EYA4: variants seen among roughly 807,000 people sequenced by gnomAD.
EYA4 encodes protein phosphatase EYA4.
Under a neutral mutation model 87.9 loss-of-function variants are expected in EYA4, and 31 were observed. The observed-to-expected ratio is 0.35, with a 90% CI of 0.27 to 0.48. The LOEUF is 0.48. Among genes scored for constraint, EYA4 ranks in the 20% least tolerant of loss-of-function variants. The probability of loss-of-function intolerance (pLI) is 0.99; values close to 1 mark genes in which losing one functional copy is unlikely to be tolerated. For missense variants in EYA4, 678 were observed against 761.4 expected, an observed-to-expected ratio of 0.89 and a Z score of 1.29; for synonymous variants, 263 against 270.6, an observed-to-expected ratio of 0.97 and a Z score of 0.28.
chr6:133,247,573 T>C (rs1251282746), intron 1 of EYA4: 1 of 152,244 alleles, frequency 6.6e-6, no homozygotes, highest in East Asian at 1.9e-4. Context: ...TTATCGCATG[T>C]GTAAGGTTTT....
At chr6:133,385,617 T>C (rs1167182312) in intron 3 of EYA4, among the ~76,000 whole-genome samples, 2 of 152,124 alleles carry the variant, frequency 1.3e-5, no homozygotes, top group African/African-American at 4.8e-5. Flanking sequence ...AAAGCTAATA[T>C]CATTCATTTA....
Position 133,530,285 on chromosome 6 carries a change from G to A in EYA4, c.*1480G>A, listed in dbSNP as rs532278099. ...TAGTTTCTGCCTGTATTGTCACTGCGCAACGGATGGCATTCATTACAAGAA... is the reference window on the plus strand; with the variant it reads ...TAGTTTCTGCCTGTATTGTCACTGCACAACGGATGGCATTCATTACAAGAA... On this transcript the variant is annotated 3_prime_UTR_variant, in exon 20 of 20. Coordinates refer to ENST00000355286, the MANE Select transcript of EYA4 (RefSeq NM_004100.5). The A allele has an allele frequency of 8.6e-5, 85 of 985,380 alleles. No individual in the cohort carries two copies. Among genetic ancestry groups the A allele is most frequent in the South Asian group, 3.8e-4 (8 of 21,282 alleles). 61.0% of individuals were successfully genotyped at this position (985,380 alleles called of 1,614,324 possible).
intron 1 of EYA4, among the ~76,000 whole-genome samples, chr6:133,255,010 T>C (rs569293959): frequency 6.6e-6 from 1 of 152,336 alleles, no homozygotes; most frequent in Non-Finnish European, 1.5e-5. Context: ...ACTTTGGTCA[T>C]GTAATTTTCT....
At chr6:133,520,446 T>G (rs1415204378) in intron 17 of EYA4, among the ~76,000 whole-genome samples, 43 of 111,580 alleles carry the variant, frequency 3.9e-4, no homozygotes, top group African/African-American at 1.0e-3. Flanking sequence ...AAGGACCTCT[T>G]CAAGGAGAAC....
intron 11 of EYA4, among the ~76,000 whole-genome samples, chr6:133,475,018 C>A (rs958746113): frequency 6.6e-6 from 1 of 152,178 alleles, no homozygotes; most frequent in Non-Finnish European, 1.5e-5. Context: ...TGCAGTTATT[C>A]ATTACTGTAC....
intron 3 of EYA4, among the ~76,000 whole-genome samples, chr6:133,412,699 A>C (rs1365280151): frequency 6.6e-6 from 1 of 152,120 alleles, no homozygotes; most frequent in Non-Finnish European, 1.5e-5. Context: ...TCTCTGAATG[A>C]TCTTTGCTTG....
intron 6 of EYA4, among the ~76,000 whole-genome samples, chr6:133,458,224 T>C (rs867058724): frequency 3.9e-4 from 60 of 152,318 alleles, no homozygotes; most frequent in Middle Eastern, 6.8e-3. Context: ...TCATATGTGG[T>C]TATTAAAATT....
chr6:133,424,956 C>G (rs1790538795), intron 3 of EYA4, among the ~76,000 whole-genome samples: 1 of 150,784 alleles, frequency 6.6e-6, no homozygotes, highest in South Asian at 2.1e-4. Flanking sequence ...CTACCACCTT[C>G]CTCCCTCCAA....
At chr6:133,371,297 C>T (rs1029049447) in intron 2 of EYA4, among the ~76,000 whole-genome samples, 2 of 152,012 alleles carry the variant, frequency 1.3e-5, no homozygotes, top group Admixed American at 1.3e-4. Flanking sequence ...ATAGATTATC[C>T]CAGCCAATAA....
intron 6 of EYA4, among the ~76,000 whole-genome samples, chr6:133,458,212 A>C (rs924904925): frequency 9.9e-5 from 15 of 152,206 alleles, no homozygotes; most frequent in Admixed American, 4.6e-4. Context: ...GGTAGCCACC[A>C]GTCATATGTG....
At chr6:133,369,185 CT>C (rs1340070894) in intron 2 of EYA4, among the ~76,000 whole-genome samples, 1 of 151,942 alleles carries the variant, frequency 6.6e-6, no homozygotes, top group Non-Finnish European at 1.5e-5. Context: ...ATACTGTTTT[CT>C]TTAAAGAAAA....
chr6:133,458,299 T>C (rs185232025), intron 6 of EYA4, among the ~76,000 whole-genome samples: 2 of 152,292 alleles, frequency 1.3e-5, no homozygotes, highest in Non-Finnish European at 1.5e-5. Context: ...AAGTATATTT[T>C]TATTAATTGA....
chr6:133,464,133 T>A (rs889480327), intron 9 of EYA4, among the ~76,000 whole-genome samples: 6 of 152,122 alleles, frequency 3.9e-5, no homozygotes, highest in Non-Finnish European at 7.4e-5. Flanking sequence ...ACTTTTTTTT[T>A]AGGAAACCTG....
rs150934240 is a variant in EYA4, at chr6:133,343,058, A to G, written c.34-39334A>G. Among the ~76,000 whole-genome samples the G allele has an allele frequency of 1.5e-3, 223 of 152,290 alleles. 1 individual carries two copies. The highest frequency in any genetic ancestry group is 5.1e-3 in the African/African-American group (214 of 41,558). On this transcript the variant is annotated intron_variant, in intron 2 of 19. Transcript: ENST00000355286. The stretch of plus-strand genomic sequence containing the variant: ...TGGCTATTGGAGTTATTTAATTTAT[A>G]CATGGCTCAGAAGGTGGCAACCATT...
intron 5 of EYA4, chr6:133,453,669 CAG>C (rs1352426254): frequency 6.6e-6 from 1 of 152,108 alleles, no homozygotes; most frequent in Non-Finnish European, 1.5e-5. Context: ...TTTTCTGTGA[CAG>C]AATAAATGTT....
At chr6:133,328,096 A>G (rs746068214) in intron 2 of EYA4, among the ~76,000 whole-genome samples, 1 of 152,196 alleles carries the variant, frequency 6.6e-6, no homozygotes, top group Non-Finnish European at 1.5e-5. Context: ...AAGTCAGACT[A>G]CCTGATGTTA....
intron 3 of EYA4, among the ~76,000 whole-genome samples, chr6:133,441,077 A>T (rs1792230937): frequency 6.6e-6 from 1 of 152,088 alleles, no homozygotes; most frequent in Non-Finnish European, 1.5e-5. Flanking sequence ...TTTGACCATT[A>T]CTTATTCCAA....
At chr6:133,503,833 G>GA (rs1798351192) in intron 13 of EYA4, among the ~76,000 whole-genome samples, 2 of 151,704 alleles carry the variant, frequency 1.3e-5, no homozygotes, top group Admixed American at 6.6e-5. Context: ...ACAAAATGAA[G>GA]AAAAAAGAAT....
rs72318662 is a variant in EYA4 at position 133,515,622 on chromosome 6, AGTGT to A, written c.1616+218_1616+221del. 0.23 allele frequency among the ~76,000 whole-genome samples: 33,621 copies of A among 146,482 alleles called. 3,818 individuals are homozygous for A. Among genetic ancestry groups the A allele is most frequent in the East Asian group, 0.31 (1,511 of 4,936 alleles). ...GAGAGAGAGAGAGAGTGTGTGTGTG[AGTGT>A]GTGTGTGTGTGTGTGTGTGTGTGTG... On this transcript the variant is annotated intron_variant, in intron 17 of 19. Transcript: ENST00000355286.
Sources: allele counts gnomAD v4.1 joint callset (sites outside exome capture counted in the v4.1 genomes callset), GRCh38; gene constraint gnomAD v4.1.1; transcripts MANE v1.5; gene names NCBI Gene and HGNC (gene_info 2026-07-23, HGNC 2026-07-21).